The following FBRSL1 variants were observed in gnomAD, a reference collection of about 807,000 sequenced individuals.
The protein encoded by FBRSL1 is fibrosin like 1.
A neutral mutation model predicts 89.6 loss-of-function variants in FBRSL1; 51 were observed. That is an observed-to-expected ratio of 0.57 (90% CI 0.45 to 0.72). The LOEUF (loss-of-function observed/expected upper bound fraction) is 0.72. Among genes scored for constraint, FBRSL1 ranks in the 30% least tolerant of loss-of-function variants. The pLI, the probability that FBRSL1 is intolerant of heterozygous loss-of-function variation, is 0.00. For synonymous variants in FBRSL1, 779 were observed against 681.1 expected (o/e 1.14, Z -2.24); for missense variants, 1,618 against 1,451.8 (o/e 1.11, Z -1.86).
intron 1 of FBRSL1, among the ~76,000 whole-genome samples, chr12:132,503,940 G>A (rs1009720398): frequency 1.3e-5 from 2 of 152,084 alleles, no homozygotes; most frequent in African/African-American, 2.4e-5. Context: ...CAACCCATCC[G>A]AGAAGACCCC....
chr12:132,578,010 TC>T, intron 15 of FBRSL1, among the ~76,000 whole-genome samples: 1 of 152,086 alleles, frequency 6.6e-6, no homozygotes, highest in Middle Eastern at 3.2e-3. Context: ...GCTGGGACAC[TC>T]CCCACCACAC....
chr12:132,555,440 T>C (rs10870466), intron 5 of FBRSL1, among the ~76,000 whole-genome samples: 5,779 of 46,328 alleles, frequency 0.12, 418 homozygotes, highest in Middle Eastern at 0.21. Context: ...CCACGGTAGC[T>C]GCGCCACCGG....
chr12:132,496,562 T>C (rs2032068718), intron 1 of FBRSL1, among the ~76,000 whole-genome samples: 1 of 152,224 alleles, frequency 6.6e-6, no homozygotes, highest in Non-Finnish European at 1.5e-5. Context: ...AGGCAGTTTC[T>C]AGGGGACTCT....
chr12:132,574,643 C>T, intron 14 of FBRSL1, 79 bp downstream of exon 14: 2 of 1,496,562 alleles, frequency 1.3e-6, no homozygotes, highest in Non-Finnish European at 8.9e-7. Context: ...AGGCATGAGG[C>T]TGTGTGTGTT....
Position 132,569,920 on chromosome 12 carries a change from C to T in FBRSL1, c.692-6C>T. ...TGGTCTGAACGCAGCCACCCTCTCT[C>T]TGCAGGCCCAGCGCTTGAGAAGTCG... On this transcript the variant is annotated splice_polypyrimidine_tract_variant and splice_region_variant and intron_variant, in intron 6 of 18. Transcript: ENST00000680143. The T allele has an allele frequency of 7.2e-7, 1 of 1,394,938 alleles. No individual in the cohort carries two copies. Among genetic ancestry groups the T allele is most frequent in the Non-Finnish European group, 9.3e-7 (1 of 1,079,984 alleles). The allele number at this position is 1,394,938 out of a possible 1,614,324, so 86.4% of individuals were successfully genotyped here.
chr12:132,535,678 C>T (rs1338369041), intron 4 of FBRSL1, among the ~76,000 whole-genome samples: 1 of 152,256 alleles, frequency 6.6e-6, no homozygotes, highest in Non-Finnish European at 1.5e-5. Flanking sequence ...GTGCAGGAAC[C>T]CCCAGAGAAG....
chr12:132,583,063 G>A lies in FBRSL1; in HGVS notation c.2294G>A (p.Ser765Asn), dbSNP rs1405015906. The change falls in exon 19 of 19, where the codon AGC becomes AAC. Residue 765 changes from serine to asparagine, a missense_variant. Coordinates refer to ENST00000680143, the MANE Select transcript of FBRSL1 (RefSeq NM_001367871.1). ...AGCGGCCTCCTGCTCCGGGCCCAGA[G>A]CGAGCTGGGCCGGTCCGGGGCCCCC... is the stretch of plus-strand genomic sequence containing the variant. ...PVSGLLLRAQ[S>N]ELGRSGAPAE... 5.6e-6 allele frequency: 8 copies of A among 1,439,276 alleles called. No individual in the cohort carries two copies. The highest frequency in any genetic ancestry group is 7.3e-6 in the Non-Finnish European group (8 of 1,102,640). The allele number at this position is 1,439,276 out of a possible 1,614,324, so 89.2% of individuals were successfully genotyped here. A position where few individuals can be genotyped will look rare whatever the true frequency, so the allele number is the denominator to read the frequency against.
rs2040912705 is a variant in FBRSL1, at chr12:132,583,235, G to A, written c.2466G>A (p.Glu822=). Residue 822 remains glutamate (E), a synonymous_variant, in exon 19 of 19, where the codon GAG becomes GAA. Coordinates refer to ENST00000680143, the MANE Select transcript of FBRSL1 (RefSeq NM_001367871.1). The part of the protein sequence containing the change: ...VKVKEERGED[E]ASEPPAGGLH... ...TCAAGGAGGAGCGCGGGGAGGACGA[G>A]GCCTCCGAGCCCCCGGCGGGCGGCC... 20 of 1,379,622 alleles carry A rather than the reference G, an allele frequency of 1.4e-5. No homozygotes were observed. Among genetic ancestry groups the A allele is most frequent in the South Asian group, 2.9e-5 (2 of 67,910 alleles). 85.5% of individuals were successfully genotyped at this position (1,379,622 alleles called of 1,614,324 possible). A position where few individuals can be genotyped will look rare whatever the true frequency, so the allele number is the denominator to read the frequency against.
intron 1 of FBRSL1, among the ~76,000 whole-genome samples, chr12:132,505,486 G>GC (rs976238490): frequency 5.9e-5 from 9 of 152,220 alleles, no homozygotes; most frequent in Non-Finnish European, 1.3e-4. Flanking sequence ...CCCGTGGTCT[G>GC]CCCCAAGGGG....
In FBRSL1 at chr12:132,501,115, G is replaced by A. The variant is rs527875042; in HGVS notation, c.292-7038G>A. Among the ~76,000 whole-genome samples, 14 of 152,330 alleles carry A rather than the reference G, an allele frequency of 9.2e-5. No homozygotes were observed. In the East Asian group the frequency reaches 2.7e-3, roughly 29 times the overall value. ...CCGGGCCCCTGACGTGGACTGGACT[G>A]GGTGGGGGCTACATTGGTCCCCCTG... is the stretch of plus-strand genomic sequence containing the variant. On this transcript the variant is annotated intron_variant, in intron 1 of 18. Transcript: ENST00000680143.
chr12:132,570,429 C>A lies in FBRSL1; in HGVS notation c.1102C>A (p.Arg368=). ...CCTGTCTACCTCACACCTGGCGCTC[C>A]GGTCCCAGGCGCAGCACCAGCTCCA... ...PHLSTSHLAL[R]SQAQHQLHAA... is the part of the protein sequence containing the mutation. The change falls in exon 8 of 19, where the codon CGG becomes AGG. Residue 368 remains arginine, a synonymous_variant. Transcript: ENST00000680143. The A allele has an allele frequency of 3.3e-6, 5 of 1,534,960 alleles. No homozygotes were observed. Among genetic ancestry groups the A allele is most frequent in the Non-Finnish European group, 4.4e-6 (5 of 1,145,804 alleles).
intron 4 of FBRSL1, among the ~76,000 whole-genome samples, chr12:132,543,910 C>T (rs1329929587): frequency 6.6e-6 from 1 of 152,162 alleles, no homozygotes; most frequent in Non-Finnish European, 1.5e-5. Context: ...GGGAGCTGAG[C>T]TGCGGGCTTG....
chr12:132,538,838 ACCC>A (rs765672202), intron 4 of FBRSL1, among the ~76,000 whole-genome samples: 2 of 152,092 alleles, frequency 1.3e-5, no homozygotes, highest in Non-Finnish European at 2.9e-5. Flanking sequence ...TTTCTTCAGG[ACCC>A]ACCACCCGGT....
rs1426974423 is a variant in FBRSL1 at position 132,570,489 on chromosome 12, CCGCCCCCGG to C, written c.1166_1174del (p.Pro389_Ala391del). ...GTTTGCCGCACCCCCGACACTGCCCCCGCCCCCGGCGCTGCCGGCCAGCAGCCTGGTCCT... is the reference window on the plus strand; with the variant it reads ...GTTTGCCGCACCCCCGACACTGCCCCCGCTGCCGGCCAGCAGCCTGGTCCT... On this transcript the variant is annotated inframe_deletion, in exon 8 of 19. Transcript: ENST00000680143. 2 of 1,529,500 alleles carry C rather than the reference CCGCCCCCGG, an allele frequency of 1.3e-6. No homozygotes were observed. The highest frequency in any genetic ancestry group is 8.7e-7 in the Non-Finnish European group (1 of 1,143,568). The allele number at this position is 1,529,500 out of a possible 1,614,324, so 94.7% of individuals were successfully genotyped here.
intron 17 of FBRSL1, 38 bp downstream of exon 17, chr12:132,581,862 C>T (rs545088333): frequency 1.5e-5 from 22 of 1,486,256 alleles, no homozygotes; most frequent in South Asian, 2.6e-5. Flanking sequence ...CCCCGATGCC[C>T]GCGCCCCTCC....
intron 14 of FBRSL1, among the ~76,000 whole-genome samples, chr12:132,575,541 C>G (rs149656305): frequency 6.6e-6 from 1 of 152,218 alleles, no homozygotes; most frequent in East Asian, 1.9e-4. Context: ...TGCTGCATGT[C>G]TTTATACTTG....
In FBRSL1 at chr12:132,583,716, G is replaced by C; in HGVS notation, c.2947G>C (p.Gly983Arg). ...RSRTTPLGGL[G>R]PGEARDYSPS... Reference sequence around the variant, plus strand: ...CCGGACTACTCCGCTGGGGGGCCTCGGGCCGGGCGAGGCGCGCGACTACTC... The same window carrying C: ...CCGGACTACTCCGCTGGGGGGCCTCCGGCCGGGCGAGGCGCGCGACTACTC... The change falls in exon 19 of 19, where the codon GGG (glycine) becomes CGG (arginine). Residue 983 changes from glycine to arginine, a missense_variant. Gly to Arg is a moderately radical substitution (Grantham distance 125). Coordinates refer to ENST00000680143, the MANE Select transcript of FBRSL1 (RefSeq NM_001367871.1). The C allele has an allele frequency of 8.3e-7, 1 of 1,206,138 alleles. No individual in the cohort carries two copies. Among genetic ancestry groups the C allele is most frequent in the Non-Finnish European group, 1.0e-6 (1 of 971,476 alleles). 74.7% of individuals were successfully genotyped at this position (1,206,138 alleles called of 1,614,324 possible). A position where few individuals can be genotyped will look rare whatever the true frequency, so the allele number is the denominator to read the frequency against.
At chr12:132,572,823 C>T (rs756935182) in intron 11 of FBRSL1, among the ~76,000 whole-genome samples, 3 of 152,338 alleles carry the variant, frequency 2.0e-5, no homozygotes, top group African/African-American at 7.2e-5. Context: ...GTGGGAGGGA[C>T]AGGGGGTCCA....
chr12:132,577,289 G>C (rs973124681), intron 15 of FBRSL1, among the ~76,000 whole-genome samples: 1 of 152,112 alleles, frequency 6.6e-6, no homozygotes, highest in Non-Finnish European at 1.5e-5. Context: ...CCTCCCTGGG[G>C]CTCCCTGTTC....
Sources: gnomAD v4.1 joint callset for allele counts (sites outside exome capture counted in the v4.1 genomes callset) on GRCh38, gnomAD v4.1.1 for gene constraint, MANE v1.5 for transcripts, NCBI Gene and HGNC (gene_info 2026-07-23, HGNC 2026-07-21) for gene names.